RNF44: variants seen among roughly 807,000 people sequenced by gnomAD.
RNF44 encodes ring finger protein 44.
A neutral mutation model predicts 53.6 loss-of-function variants in RNF44; 25 were observed. The observed-to-expected ratio is 0.47, with a 90% CI of 0.34 to 0.65. The LOEUF is 0.65. Among genes scored for constraint, RNF44 ranks in the 30% least tolerant of loss-of-function variants. The pLI is 0.01. For synonymous variants in RNF44, 282 were observed against 252.2 expected, an observed-to-expected ratio of 1.12 and a Z score of -1.12; for missense variants, 581 against 595.5, an observed-to-expected ratio of 0.98 and a Z score of 0.25.
At chr5:176,537,873 G>A (rs1012615584), upstream of RNF44, 2 of 152,236 alleles carry the variant, frequency 1.3e-5, no homozygotes, top group African/African-American at 4.8e-5. Context: ...CGGAGATGAC[G>A]TCACCCCCAA....
chr5:176,530,371 A>AGCCC (rs1756496069), intron 6 of RNF44, among the ~76,000 whole-genome samples, 165 bp from the exon 7 acceptor site: 10 of 70,430 alleles, frequency 1.4e-4, no homozygotes, highest in Non-Finnish European at 2.4e-4. Context: ...GCCCACGTGC[A>AGCCC]AGTCAGCCCG....
the RNF44 span, among the ~76,000 whole-genome samples, chr5:176,543,290 C>T: frequency 0.014 from 2,096 of 146,810 alleles, 43 homozygotes; most frequent in African/African-American, 0.048. The surrounding 1 kb of genome is among the most constrained non-coding windows in gnomAD (Gnocchi z 4.0). Context: ...CCACCCCCAC[C>T]CGGCGGCCGG....
Position 176,532,526 on chromosome 5 carries a change from A to G in RNF44, c.-44-10T>C. On this transcript the variant is annotated splice_polypyrimidine_tract_variant and intron_variant, in intron 1 of 10. Coordinates refer to ENST00000274811, the MANE Select transcript of RNF44 (RefSeq NM_014901.5). Reference sequence around the variant, plus strand: ...GCCGGGACTCACAACCCTAGGAGGCAAGGAGACAAGAAGACTGAGGCACCT... The same window carrying G: ...GCCGGGACTCACAACCCTAGGAGGCGAGGAGACAAGAAGACTGAGGCACCT... 2 of 1,487,008 alleles carry G rather than the reference A, an allele frequency of 1.3e-6. No homozygotes were observed. The highest frequency in any genetic ancestry group is 1.8e-6 in the Non-Finnish European group (2 of 1,122,592). The allele number at this position is 1,487,008 out of a possible 1,614,324, so 92.1% of individuals were successfully genotyped here. A position where few individuals can be genotyped will look rare whatever the true frequency, so the allele number is the denominator to read the frequency against.
At position 176,531,455 on chromosome 5, in the gene RNF44, T is replaced by G; in HGVS notation, c.465+8A>C. On this transcript the variant is annotated splice_region_variant and intron_variant, in intron 4 of 10. Coordinates refer to ENST00000274811, the MANE Select transcript of RNF44 (RefSeq NM_014901.5). The surrounding 1 kb of genome is among the most constrained non-coding windows in gnomAD (Gnocchi z 4.2). ...CTGGTGGAGGAGGAGCTAGAAACACTCACTCACCGGGGGCGGGAGGCAGCA... is the reference window on the plus strand; with the variant it reads ...CTGGTGGAGGAGGAGCTAGAAACACGCACTCACCGGGGGCGGGAGGCAGCA... 6.5e-7 allele frequency: 1 copy of G among 1,550,206 alleles called. No individual in the cohort carries two copies. The highest frequency in any genetic ancestry group is 1.2e-5 in the South Asian group (1 of 84,224).
chr5:176,540,522 C>A (rs748716272), upstream of RNF44, among the ~76,000 whole-genome samples: 1 of 152,248 alleles, frequency 6.6e-6, no homozygotes, highest in South Asian at 2.1e-4. Context: ...CCTGCCCTGC[C>A]GGCTTGCGCT....
Position 176,527,279 on chromosome 5 carries a change from T to G in RNF44, c.*1749A>C, listed in dbSNP as rs533305653. The stretch of plus-strand genomic sequence containing the variant: ...AGATCACAAACATCCTAAGTAATTG[T>G]TGTATAAATCTTGTTTTTTAATGAT... On this transcript the variant is annotated 3_prime_UTR_variant, in exon 11 of 11. Coordinates refer to ENST00000274811, the MANE Select transcript of RNF44 (RefSeq NM_014901.5). The G allele has an allele frequency of 6.6e-6, 1 of 152,348 alleles. No homozygotes were observed. Among genetic ancestry groups the G allele is most frequent in the South Asian group, 2.1e-4 (1 of 4,832 alleles). The allele number at this position is 152,348 out of a possible 1,614,324, so 9.4% of individuals were successfully genotyped here. A position where few individuals can be genotyped will look rare whatever the true frequency, so the allele number is the denominator to read the frequency against.
chr5:176,535,354 A>G (rs992180260), intron 1 of RNF44, among the ~76,000 whole-genome samples: 1 of 152,204 alleles, frequency 6.6e-6, no homozygotes, highest in Non-Finnish European at 1.5e-5. Context: ...CTCCATTTCC[A>G]ACCTCAAGCA....
chr5:176,538,190 G>C (rs1757350927), upstream of RNF44, among the ~76,000 whole-genome samples: 1 of 152,200 alleles, frequency 6.6e-6, no homozygotes, highest in East Asian at 1.9e-4. Context: ...TGAGAGTTTG[G>C]TGTCCCCGCG....
intron 7 of RNF44, 39 bp downstream of exon 7, chr5:176,530,043 A>G: frequency 7.6e-7 from 1 of 1,321,948 alleles, no homozygotes; most frequent in Admixed American, 3.0e-5. Flanking sequence ...CCAGGAGAAC[A>G]GGGCATCAGG....
At chr5:176,533,585 G>C (rs1756906075) in intron 1 of RNF44, among the ~76,000 whole-genome samples, 1 of 152,212 alleles carries the variant, frequency 6.6e-6, no homozygotes, top group Admixed American at 6.5e-5. Flanking sequence ...CATGCAGCCA[G>C]GCCCTTGCTC....
In RNF44 at chr5:176,535,187, G is replaced by A. The variant is rs191680748; in HGVS notation, c.-45+1753C>T. Among the ~76,000 whole-genome samples the A allele has an allele frequency of 1.1e-4, 16 of 152,342 alleles. No homozygotes were observed. The East Asian group carries it at 2.7e-3, about 26-fold the overall frequency. On this transcript the variant is annotated intron_variant, in intron 1 of 10. Coordinates refer to ENST00000274811, the MANE Select transcript of RNF44 (RefSeq NM_014901.5). ...ACCGTGGGCAAGGGCTTCCCCTCCC[G>A]AGCCTCAGTATCTTCATCTGTAAAA...
chr5:176,531,066 C>G lies in RNF44; in HGVS notation c.466-45G>C, dbSNP rs112139165. On this transcript the variant is annotated intron_variant, in intron 4 of 10. Transcript: ENST00000274811. The surrounding 1 kb of genome is among the most constrained non-coding windows in gnomAD (Gnocchi z 4.2). Reference sequence around the variant, plus strand: ...GGGGCTGAGAACGTTCTCCTGGGCTCTGGGCCAGGTCTACGCCATGCCACC... The same window carrying G: ...GGGGCTGAGAACGTTCTCCTGGGCTGTGGGCCAGGTCTACGCCATGCCACC... 4.1e-3 allele frequency: 5,679 copies of G among 1,375,348 alleles called. 164 individuals are homozygous for G. In the African/African-American group the frequency reaches 0.068, roughly 16 times the overall value. 85.2% of individuals were successfully genotyped at this position (1,375,348 alleles called of 1,614,324 possible).
chr5:176,536,001 C>T (rs1417167273), intron 1 of RNF44: 2 of 152,286 alleles, frequency 1.3e-5, no homozygotes, highest in African/African-American at 4.8e-5. Flanking sequence ...CCTACCCTGA[C>T]CTTGGTCTAA....
chr5:176,534,046 C>T (rs1561852841), intron 1 of RNF44, among the ~76,000 whole-genome samples: 1 of 152,252 alleles, frequency 6.6e-6, no homozygotes, highest in Non-Finnish European at 1.5e-5. Flanking sequence ...ACCATTTCCT[C>T]TGTGCTGCAC....
At chr5:176,540,484 A>G (rs1757422019), upstream of RNF44, among the ~76,000 whole-genome samples, 1 of 152,250 alleles carries the variant, frequency 6.6e-6, no homozygotes, top group Non-Finnish European at 1.5e-5. Context: ...GGACTAGCTC[A>G]AAGACCACTC....
At chr5:176,530,432 A>C in intron 6 of RNF44, 150 bp downstream of exon 6, 1 of 794,552 alleles carries the variant, frequency 1.3e-6, no homozygotes, top group Non-Finnish European at 1.7e-6. Flanking sequence ...TCAGCCCAGC[A>C]GGCCTGCCTC....
Position 176,528,947 on chromosome 5 carries a change from C to G in RNF44, c.*81G>C. The G allele has an allele frequency of 7.1e-7, 1 of 1,398,646 alleles. No homozygotes were observed. The highest frequency in any genetic ancestry group is 9.9e-7 in the Non-Finnish European group (1 of 1,008,322). 86.6% of individuals were successfully genotyped at this position (1,398,646 alleles called of 1,614,324 possible). On this transcript the variant is annotated 3_prime_UTR_variant, in exon 11 of 11. Coordinates refer to ENST00000274811, the MANE Select transcript of RNF44 (RefSeq NM_014901.5). ...AGCGAAGGGGCAGGCCTGGGCCACTCCCTCCCCATCCTCCCTGGGCCCCAC... is the reference window on the plus strand; with the variant it reads ...AGCGAAGGGGCAGGCCTGGGCCACTGCCTCCCCATCCTCCCTGGGCCCCAC...
Position 176,529,836 on chromosome 5 carries a change from TG to T in RNF44, c.927-19del. On this transcript the variant is annotated intron_variant, in intron 7 of 10. Transcript: ENST00000274811. Reference sequence around the variant, plus strand: ...GCATCGAGCTAGAGAGAGACAAGTGTGGGGGCCCAGGGTCAAGGTCAGGAGT... The same window carrying T: ...GCATCGAGCTAGAGAGAGACAAGTGTGGGGCCCAGGGTCAAGGTCAGGAGT... 1 of 1,577,246 alleles carries T rather than the reference TG, an allele frequency of 6.3e-7. No homozygotes were observed. Among genetic ancestry groups the T allele is most frequent in the Non-Finnish European group, 8.6e-7 (1 of 1,162,178 alleles).
intron 1 of RNF44, among the ~76,000 whole-genome samples, chr5:176,535,034 G>A (rs1757028850): frequency 1.3e-5 from 2 of 152,322 alleles, no homozygotes; most frequent in African/African-American, 2.4e-5. Flanking sequence ...CACTCCCCAG[G>A]GCAGGGAAGG....
Sources: allele counts gnomAD v4.1 joint callset (sites outside exome capture counted in the v4.1 genomes callset), GRCh38; gene constraint gnomAD v4.1.1; non-coding constraint Gnocchi (gnomAD v3.1); transcripts MANE v1.5; gene names NCBI Gene and HGNC (gene_info 2026-07-23, HGNC 2026-07-21).